The following CSMD3 variants were observed in gnomAD, a reference collection of about 807,000 sequenced individuals.
CSMD3 encodes the protein CUB and Sushi multiple domains 3.
A neutral mutation model predicts 435.2 loss-of-function variants in CSMD3; 177 were observed. The observed-to-expected ratio is 0.41, with a 90% confidence interval of 0.36 to 0.46. The LOEUF is 0.46. Ranked by LOEUF, CSMD3 falls within the 20% of genes least tolerant of loss-of-function variation. CSMD3 has a pLI of 0.34. For synonymous variants in CSMD3, 1,656 were observed against 1,520.5 expected (o/e 1.09, Z -2.07); for missense variants, 4,265 against 4,504.6 (o/e 0.95, Z 1.52).
At chr8:112,639,779 T>C (rs2131593276) in intron 20 of CSMD3, among the ~76,000 whole-genome samples, 1 of 152,288 alleles carries the variant, frequency 6.6e-6, no homozygotes, top group East Asian at 1.9e-4. Context: ...TTTGGTGATG[T>C]ATAGTATGGC....
intron 22 of CSMD3, among the ~76,000 whole-genome samples, chr8:112,625,237 C>G (rs1053829709): frequency 1.3e-5 from 2 of 152,020 alleles, no homozygotes; most frequent in Non-Finnish European, 2.9e-5. Context: ...GTATAACCTA[C>G]TTTACCTTTT....
At chr8:112,338,248 T>G (rs545411731) in intron 42 of CSMD3, among the ~76,000 whole-genome samples, 1 of 149,002 alleles carries the variant, frequency 6.7e-6, no homozygotes, top group Admixed American at 6.7e-5. Flanking sequence ...AAAAAAATTT[T>G]ATTTTAATAT....
intron 16 of CSMD3, among the ~76,000 whole-genome samples, chr8:112,676,808 TAGAA>T (rs1455018452): frequency 6.6e-6 from 1 of 152,138 alleles, no homozygotes; most frequent in Non-Finnish European, 1.5e-5. Context: ...GCTTGACACT[TAGAA>T]AGATAACTTT....
intron 50 of CSMD3, among the ~76,000 whole-genome samples, chr8:112,306,558 T>G (rs532029559): frequency 9.2e-5 from 14 of 152,290 alleles, no homozygotes; most frequent in Admixed American, 9.2e-4. Context: ...ATATAGCAAG[T>G]TTGATTAATT....
At chr8:113,316,657 C>T (rs1039287855) in intron 1 of CSMD3, among the ~76,000 whole-genome samples, 1 of 151,716 alleles carries the variant, frequency 6.6e-6, no homozygotes, top group Admixed American at 6.6e-5. Flanking sequence ...TCAAGTGATT[C>T]TCCTGCCTCA....
chr8:113,339,113 A>G lies in CSMD3; in HGVS notation c.179-24320T>C, dbSNP rs190907172. Among the ~76,000 whole-genome samples, 574 of 152,064 alleles carry G rather than the reference A, an allele frequency of 3.8e-3. 3 individuals carry two copies. Among genetic ancestry groups the G allele is most frequent in the African/African-American group, 0.012 (489 of 41,554 alleles). On this transcript the variant is annotated intron_variant, in intron 1 of 70. Transcript: ENST00000297405. ...GATTCTTTATCCATATAACAGAATA[A>G]TAAGAATAACTATTTTAAAGATTAA...
At chr8:112,920,168 T>C (rs1298856637) in intron 10 of CSMD3, among the ~76,000 whole-genome samples, 1 of 151,844 alleles carries the variant, frequency 6.6e-6, no homozygotes, top group African/African-American at 2.4e-5. Context: ...TTAATTTATG[T>C]GGAAATAGTT....
intron 10 of CSMD3, among the ~76,000 whole-genome samples, chr8:112,876,527 T>C (rs1033071397): frequency 2.0e-5 from 3 of 152,158 alleles, no homozygotes; most frequent in African/African-American, 7.2e-5. Context: ...GCTGGTTCAA[T>C]ATATGCAAAT....
intron 10 of CSMD3, among the ~76,000 whole-genome samples, chr8:112,868,175 T>G (rs2081037330): frequency 6.6e-6 from 1 of 152,094 alleles, no homozygotes; most frequent in Non-Finnish European, 1.5e-5. Context: ...TTTCTCCACA[T>G]CTTGTCCCAC....
chr8:112,914,695 C>T (rs1172364998), intron 10 of CSMD3, among the ~76,000 whole-genome samples: 5 of 151,572 alleles, frequency 3.3e-5, no homozygotes, highest in African/African-American at 1.2e-4. Flanking sequence ...CCTTTTGTTT[C>T]CTCTTTGGTT....
chr8:112,456,214 G>A (rs938317249), intron 32 of CSMD3, among the ~76,000 whole-genome samples: 5 of 152,042 alleles, frequency 3.3e-5, no homozygotes, highest in Non-Finnish European at 7.4e-5. Flanking sequence ...TTTATAAGTA[G>A]GTAAGAACTA....
chr8:113,371,272 C>T (rs1026424673), intron 1 of CSMD3, among the ~76,000 whole-genome samples: 1 of 151,806 alleles, frequency 6.6e-6, no homozygotes, highest in African/African-American at 2.4e-5. Context: ...TTTAAAAAAA[C>T]ATTTATAAGG....
intron 32 of CSMD3, among the ~76,000 whole-genome samples, chr8:112,439,977 T>G (rs2130490218): frequency 6.6e-6 from 1 of 152,188 alleles, no homozygotes; most frequent in East Asian, 1.9e-4. Context: ...CTCCCAAATC[T>G]CATGTCCTCA....
chr8:112,531,357 A>C (rs1046724150), intron 27 of CSMD3, among the ~76,000 whole-genome samples: 1 of 152,032 alleles, frequency 6.6e-6, no homozygotes, highest in Non-Finnish European at 1.5e-5. Flanking sequence ...GGCTATCAAT[A>C]AACATCAGCA....
At chr8:112,795,459 T>C (rs954054606) in intron 13 of CSMD3, among the ~76,000 whole-genome samples, 12 of 152,164 alleles carry the variant, frequency 7.9e-5, no homozygotes, top group African/African-American at 2.7e-4. Context: ...CTTTTCCACA[T>C]ACCCTTGTCA....
intron 22 of CSMD3, among the ~76,000 whole-genome samples, chr8:112,604,854 C>T (rs1273782439): frequency 1.3e-5 from 2 of 152,076 alleles, no homozygotes; most frequent in African/African-American, 4.8e-5. Flanking sequence ...AGACAACCGA[C>T]AGAATATGAG....
At chr8:112,572,594 A>G (rs1411994477) in intron 24 of CSMD3, among the ~76,000 whole-genome samples, 3 of 152,092 alleles carry the variant, frequency 2.0e-5, no homozygotes, top group Non-Finnish European at 4.4e-5. Flanking sequence ...GAGAAAATTT[A>G]TAGGAGTCAG....
At chr8:113,372,883 G>C (rs1467193794) in intron 1 of CSMD3, among the ~76,000 whole-genome samples, 1 of 149,094 alleles carries the variant, frequency 6.7e-6, no homozygotes, top group Non-Finnish European at 1.5e-5. Context: ...GCAGTGAGCC[G>C]AGATTGCGCC....
At chr8:112,861,356 T>C (rs1225673131) in intron 10 of CSMD3, among the ~76,000 whole-genome samples, 1 of 151,852 alleles carries the variant, frequency 6.6e-6, no homozygotes, top group African/African-American at 2.4e-5. Flanking sequence ...TAATAGGGAG[T>C]ATAAAATTAT....
Sources: allele counts gnomAD v4.1 joint callset (sites outside exome capture counted in the v4.1 genomes callset), GRCh38; gene constraint gnomAD v4.1.1; transcripts MANE v1.5; gene names NCBI Gene and HGNC (gene_info 2026-07-23, HGNC 2026-07-21).